Variants in USP13 observed in about 807,000 individuals in gnomAD.
The protein encoded by USP13 is ubiquitin carboxyl-terminal hydrolase 13.
Under a neutral mutation model 107.8 loss-of-function variants are expected in USP13, and 68 were observed. That is an observed-to-expected ratio of 0.63 (90% CI 0.52 to 0.77). The LOEUF (loss-of-function observed/expected upper bound fraction) is 0.77, where lower values mean the gene tolerates loss of function less well. USP13 is among the 30% of genes least tolerant of loss of function. The pLI, the probability that USP13 is intolerant of heterozygous loss-of-function variation, is 0.00. For missense variants in USP13, 945 were observed against 1,093.3 expected, an observed-to-expected ratio of 0.86 and a Z score of 1.91; for synonymous variants, 377 against 389.5, an observed-to-expected ratio of 0.97 and a Z score of 0.38.
At chr3:179,749,908 G>T (rs2108522009) in intron 13 of USP13, among the ~76,000 whole-genome samples, 1 of 152,240 alleles carries the variant, frequency 6.6e-6, no homozygotes, top group East Asian at 1.9e-4. Flanking sequence ...TCACTGTTAT[G>T]TATTTTCCAG....
chr3:179,660,521 C>A (rs1216986909), intron 1 of USP13, among the ~76,000 whole-genome samples: 9 of 152,194 alleles, frequency 5.9e-5, no homozygotes, highest in Admixed American at 5.9e-4. Flanking sequence ...TTTTATTTGT[C>A]CATTCACCTG....
chr3:179,745,128 A>G lies in USP13; in HGVS notation c.1620A>G (p.Pro540=). 1 of 1,614,194 alleles carries G rather than the reference A, an allele frequency of 6.2e-7. No individual in the cohort carries two copies. The highest frequency in any genetic ancestry group is 1.7e-5 in the Admixed American group (1 of 60,024). ...CTGAGTTGGTACGTGCCAAGATACC[A>G]TTTAGTGCCTGCCTTCAGGCCTTCT... ...PLPELVRAKI[P]FSACLQAFSE... The change falls in exon 13 of 21, where the codon CCA becomes CCG. Residue 540 remains proline (P), a synonymous_variant. Coordinates refer to ENST00000263966, the MANE Select transcript of USP13 (RefSeq NM_003940.3).
chr3:179,752,272 T>C lies in USP13; in HGVS notation c.1710-13T>C. ...TGCCTTGTTTCATTGATATATCCCC[T>C]TGTGTTTCCCAGAACATCTCGCTTT... On this transcript the variant is annotated splice_polypyrimidine_tract_variant and intron_variant, in intron 13 of 20. Transcript: ENST00000263966. 1 of 1,610,934 alleles carries C rather than the reference T, an allele frequency of 6.2e-7. No individual in the cohort carries two copies. The highest frequency in any genetic ancestry group is 8.5e-7 in the Non-Finnish European group (1 of 1,177,550).
intron 10 of USP13, among the ~76,000 whole-genome samples, chr3:179,733,214 C>G (rs193146976): frequency 5.9e-5 from 9 of 152,196 alleles, no homozygotes; most frequent in Non-Finnish European, 1.2e-4. Context: ...ATCTAGTGGT[C>G]TTGAAGAAAG....
chr3:179,672,947 C>T (rs549117303), intron 1 of USP13, among the ~76,000 whole-genome samples: 1 of 152,282 alleles, frequency 6.6e-6, no homozygotes, highest in Non-Finnish European at 1.5e-5. Flanking sequence ...GTCCTCTGAG[C>T]ACCGGAGGCA....
chr3:179,773,210 T>C (rs1440268153), intron 19 of USP13, among the ~76,000 whole-genome samples: 1 of 152,218 alleles, frequency 6.6e-6, no homozygotes, highest in Non-Finnish European at 1.5e-5. Context: ...TGGGTGCTTA[T>C]GAGGCAAATG....
chr3:179,674,741 G>A (rs763993723), intron 1 of USP13, among the ~76,000 whole-genome samples: 1 of 151,810 alleles, frequency 6.6e-6, no homozygotes, highest in African/African-American at 2.4e-5. Flanking sequence ...GAGGATATAC[G>A]GGTTTTCTCT....
chr3:179,688,186 CATTCATCA>C lies in USP13; in HGVS notation c.295-2052_295-2045del, dbSNP rs1335212624. ...CCATCCGTATATCCATCCATCCATCCATTCATCAATCCATCCATCCATCCATCCATCCA... is the reference window on the plus strand; with the variant it reads ...CCATCCGTATATCCATCCATCCATCCATCCATCCATCCATCCATCCATCCA... On this transcript the variant is annotated intron_variant, in intron 2 of 20. Transcript: ENST00000263966. Among the ~76,000 whole-genome samples, 19 of 140,714 alleles carry C rather than the reference CATTCATCA, an allele frequency of 1.4e-4. 1 individual carries two copies. The highest frequency in any genetic ancestry group is 2.5e-4 in the Non-Finnish European group (16 of 64,494). The allele number at this position is 140,714 out of a possible 152,430, so 92.3% of individuals were successfully genotyped here.
intron 6 of USP13, among the ~76,000 whole-genome samples, chr3:179,710,420 A>T (rs13085734): frequency 0.44 from 66,541 of 152,064 alleles, 16,449 homozygotes; most frequent in Non-Finnish European, 0.55. Context: ...TGTCTTGTGT[A>T]GTTGCCTTTA....
intron 19 of USP13, 84 bp downstream of exon 19, chr3:179,765,932 A>G: frequency 7.0e-7 from 1 of 1,438,294 alleles, no homozygotes; most frequent in African/African-American, 1.4e-5. Context: ...AACATAGTCA[A>G]GCCTTTGCCA....
chr3:179,735,448 A>G (rs1297736192), intron 10 of USP13, among the ~76,000 whole-genome samples: 1 of 151,362 alleles, frequency 6.6e-6, no homozygotes, highest in Non-Finnish European at 1.5e-5. Context: ...AATTATTTAA[A>G]TTTGCATATA....
intron 14 of USP13, 142 bp downstream of exon 14, chr3:179,752,515 G>A (rs768627923): frequency 1.3e-4 from 91 of 697,656 alleles, no homozygotes; most frequent in South Asian, 2.0e-4. Flanking sequence ...TTGAATCAGA[G>A]TATATGATAA....
intron 6 of USP13, among the ~76,000 whole-genome samples, chr3:179,719,126 A>G (rs1713214034): frequency 6.6e-6 from 1 of 152,054 alleles, no homozygotes. Flanking sequence ...GTCAGGTGGG[A>G]TATTATTATC....
chr3:179,708,333 G>A (rs1257587220), intron 5 of USP13, among the ~76,000 whole-genome samples: 5 of 150,086 alleles, frequency 3.3e-5, no homozygotes, highest in African/African-American at 1.2e-4. Context: ...TTGAGACAGA[G>A]TCTTGCTCTG....
At chr3:179,755,663 A>T (rs1714765843) in intron 15 of USP13, among the ~76,000 whole-genome samples, 2 of 152,386 alleles carry the variant, frequency 1.3e-5, no homozygotes, top group South Asian at 4.1e-4. Context: ...GTTCAAAAAC[A>T]GTGTCAGAAA....
chr3:179,681,070 A>G (rs1408162253), intron 1 of USP13, among the ~76,000 whole-genome samples: 1 of 152,088 alleles, frequency 6.6e-6, no homozygotes, highest in Non-Finnish European at 1.5e-5. Context: ...TATTTCCTAG[A>G]GCCTCTGAGG....
At chr3:179,716,657 A>AT (rs1001835350) in intron 6 of USP13, among the ~76,000 whole-genome samples, 6 of 152,310 alleles carry the variant, frequency 3.9e-5, no homozygotes, top group South Asian at 2.1e-4. Flanking sequence ...CTTAGAAAAC[A>AT]TTTTTTCCAT....
chr3:179,731,156 A>G (rs957216622), intron 10 of USP13, among the ~76,000 whole-genome samples: 1 of 152,180 alleles, frequency 6.6e-6, no homozygotes, highest in Non-Finnish European at 1.5e-5. Context: ...CACACCTATA[A>G]TCCCGGCACT....
chr3:179,770,409 A>G (rs1327337618), intron 19 of USP13, among the ~76,000 whole-genome samples: 1 of 152,180 alleles, frequency 6.6e-6, no homozygotes, highest in Non-Finnish European at 1.5e-5. Flanking sequence ...TCCCCATTGT[A>G]TATTAAACAT....
Sources: allele counts gnomAD v4.1 joint callset (sites outside exome capture counted in the v4.1 genomes callset), GRCh38; gene constraint gnomAD v4.1.1; transcripts MANE v1.5; gene names NCBI Gene and HGNC (gene_info 2026-07-23, HGNC 2026-07-21).